Variants in ARHGEF3 observed in about 807,000 individuals in gnomAD.
The protein encoded by ARHGEF3 is Rho guanine nucleotide exchange factor 3.
ARHGEF3 carries 28 observed loss-of-function variants against 63.2 expected under a neutral mutation model. The observed-to-expected ratio is 0.44, with a 90% confidence interval of 0.33 to 0.61. The LOEUF (loss-of-function observed/expected upper bound fraction) is 0.61. Among genes scored for constraint, ARHGEF3 ranks in the 20% least tolerant of loss-of-function variants. The pLI, the probability that ARHGEF3 is intolerant of heterozygous loss-of-function variation, is 0.03. For missense variants in ARHGEF3, 533 were observed against 659.3 expected, an observed-to-expected ratio of 0.81 and a Z score of 2.10; for synonymous variants, 266 against 254.2, an observed-to-expected ratio of 1.05 and a Z score of -0.44.
intron 4 of ARHGEF3, among the ~76,000 whole-genome samples, chr3:56,856,227 C>T (rs143937883): frequency 2.6e-5 from 4 of 151,962 alleles, no homozygotes; most frequent in African/African-American, 9.7e-5. Flanking sequence ...AAAAAGGAAG[C>T]GGAGGGATAA....
chr3:56,898,685 T>C, intron 3 of ARHGEF3: 1 of 203,892 alleles, frequency 4.9e-6, no homozygotes, highest in South Asian at 5.4e-5. Flanking sequence ...GGGAAGCCAA[T>C]AAAGAGTATG....
intron 3 of ARHGEF3, among the ~76,000 whole-genome samples, chr3:56,903,381 C>T (rs967956586): frequency 6.6e-6 from 1 of 152,222 alleles, no homozygotes; most frequent in Admixed American, 6.5e-5. Flanking sequence ...TCTTACTGCT[C>T]AGTGTTCCAC....
intron 3 of ARHGEF3, among the ~76,000 whole-genome samples, chr3:56,920,792 C>T (rs937743113): frequency 2.6e-5 from 4 of 152,162 alleles, no homozygotes; most frequent in South Asian, 4.1e-4. Context: ...ATGGCTCATG[C>T]CTGTAATCCC....
At chr3:57,043,530 A>T (rs1704318830) in intron 1 of ARHGEF3, among the ~76,000 whole-genome samples, 2 of 152,140 alleles carry the variant, frequency 1.3e-5, no homozygotes, top group Non-Finnish European at 2.9e-5. Flanking sequence ...AGTATAATGT[A>T]ACAAAGCTGT....
intron 2 of ARHGEF3, among the ~76,000 whole-genome samples, chr3:57,014,535 C>T (rs1289362729): frequency 1.4e-5 from 2 of 147,342 alleles, no homozygotes; most frequent in African/African-American, 5.4e-5. Flanking sequence ...TCACAATACT[C>T]ACTGATTAAC....
At chr3:56,994,013 G>A (rs962953736) in intron 2 of ARHGEF3, among the ~76,000 whole-genome samples, 18 of 128,146 alleles carry the variant, frequency 1.4e-4, no homozygotes, top group African/African-American at 3.5e-4. Flanking sequence ...GCAGTGAGCC[G>A]AGATCGCGCC....
chr3:56,966,354 A>C (rs980922411), intron 2 of ARHGEF3, among the ~76,000 whole-genome samples: 2 of 152,282 alleles, frequency 1.3e-5, no homozygotes, highest in African/African-American at 4.8e-5. Context: ...GTTGACAGTG[A>C]CTGATTACAT....
chr3:56,901,721 C>G (rs1010624355), intron 3 of ARHGEF3, among the ~76,000 whole-genome samples: 2 of 151,842 alleles, frequency 1.3e-5, no homozygotes, highest in Non-Finnish European at 2.9e-5. Context: ...GTAGCTGGGA[C>G]TATAGGCACA....
intron 1 of ARHGEF3, among the ~76,000 whole-genome samples, chr3:56,778,056 C>T (rs2036368139): frequency 6.6e-6 from 1 of 152,140 alleles, no homozygotes; most frequent in Non-Finnish European, 1.5e-5. Context: ...GTTTAATCCA[C>T]CCAGGAACCT....
chr3:56,825,166 A>G (rs972981405), intron 4 of ARHGEF3, among the ~76,000 whole-genome samples: 2 of 152,208 alleles, frequency 1.3e-5, no homozygotes, highest in Non-Finnish European at 2.9e-5. Flanking sequence ...CTATTGTGAA[A>G]ACTGCATGAG....
chr3:56,790,389 C>T (rs572212240), intron 1 of ARHGEF3, among the ~76,000 whole-genome samples: 5 of 152,200 alleles, frequency 3.3e-5, no homozygotes, highest in Non-Finnish European at 7.3e-5. Context: ...GGCTTACACA[C>T]AAGAAACCAT....
At chr3:57,025,477 G>A (rs1051254849) in intron 2 of ARHGEF3, among the ~76,000 whole-genome samples, 2 of 152,208 alleles carry the variant, frequency 1.3e-5, no homozygotes, top group Non-Finnish European at 2.9e-5. Flanking sequence ...ACACTGGGAA[G>A]AGTGATTGCA....
chr3:56,920,861 G>C (rs544706487), intron 3 of ARHGEF3, among the ~76,000 whole-genome samples: 1 of 152,074 alleles, frequency 6.6e-6, no homozygotes, highest in East Asian at 1.9e-4. Context: ...GATCATCCTG[G>C]CTAACGTGGT....
intron 4 of ARHGEF3, among the ~76,000 whole-genome samples, chr3:56,868,815 G>C (rs1027274612): frequency 6.6e-6 from 1 of 152,138 alleles, no homozygotes; most frequent in Admixed American, 6.5e-5. Flanking sequence ...TCTGTGCTTG[G>C]TTAACTTGTT....
intron 4 of ARHGEF3, among the ~76,000 whole-genome samples, chr3:56,837,785 A>G (rs1341299455): frequency 6.6e-6 from 1 of 152,200 alleles, no homozygotes; most frequent in African/African-American, 2.4e-5. Context: ...CCATGAATAC[A>G]TGACCAGCGA....
chr3:56,750,312 C>G (rs2034659385), intron 6 of ARHGEF3, among the ~76,000 whole-genome samples: 1 of 152,084 alleles, frequency 6.6e-6, no homozygotes, highest in Non-Finnish European at 1.5e-5. Flanking sequence ...GTAAGTGAAA[C>G]AAACAACTTT....
intron 1 of ARHGEF3, among the ~76,000 whole-genome samples, chr3:57,064,315 T>C (rs887912990): frequency 2.7e-4 from 40 of 150,522 alleles, no homozygotes; most frequent in Admixed American, 2.5e-3. Flanking sequence ...TTTCTTTTTT[T>C]TTTCTTTCTT....
intron 1 of ARHGEF3, among the ~76,000 whole-genome samples, chr3:57,064,414 C>T (rs957815579): frequency 6.6e-6 from 1 of 151,794 alleles, no homozygotes; most frequent in Non-Finnish European, 1.5e-5. Flanking sequence ...GCCTCAACTT[C>T]CCTGACTCAA....
At chr3:56,840,891 T>A (rs137999083) in intron 4 of ARHGEF3, among the ~76,000 whole-genome samples, 25 of 152,330 alleles carry the variant, frequency 1.6e-4, no homozygotes, top group African/African-American at 6.0e-4. Flanking sequence ...AATTTCATGG[T>A]TAGAAAGATT....
Sources: allele counts gnomAD v4.1 joint callset (sites outside exome capture counted in the v4.1 genomes callset), GRCh38; gene constraint gnomAD v4.1.1; transcripts MANE v1.5; gene names NCBI Gene and HGNC (gene_info 2026-07-23, HGNC 2026-07-21).